CYP2C19: variants seen among roughly 807,000 people sequenced by gnomAD.
CYP2C19 encodes the protein cytochrome P450 2C19.
In CYP2C19, 59 loss-of-function variants were observed where a neutral mutation model predicts 40.9. That is an observed-to-expected ratio of 1.44 (90% confidence interval 1.17 to 1.79). The LOEUF (loss-of-function observed/expected upper bound fraction) is 1.79. CYP2C19 is among the 40% of genes most tolerant of loss of function. The probability of loss-of-function intolerance (pLI) is 0.00; values close to 1 mark genes in which losing one functional copy is unlikely to be tolerated. For synonymous variants in CYP2C19, 253 were observed against 208.7 expected, an observed-to-expected ratio of 1.21 and a Z score of -1.83; for missense variants, 754 against 596.9, an observed-to-expected ratio of 1.26 and a Z score of -2.74.
chr10:94,786,843 AT>A (rs1247602152), intron 5 of CYP2C19, among the ~76,000 whole-genome samples: 1 of 151,926 alleles, frequency 6.6e-6, no homozygotes, highest in African/African-American at 2.4e-5. Context: ...CAAAGACATG[AT>A]TTTTTTTATG....
chr10:94,820,569 G>T lies in CYP2C19; in HGVS notation c.893G>T (p.Gly298Val). The change falls in exon 6 of 9, where the codon GGG becomes GTG. Residue 298 changes from glycine to valine, a missense_variant. By Grantham distance (109) the Gly-to-Val change is moderately radical (BLOSUM62 -3). Coordinates refer to ENST00000371321, the MANE Select transcript of CYP2C19 (RefSeq NM_000769.4). ...ACTGCAGCTGACTTACTTGGAGCTG[G>T]GACAGAGACAACAAGCACAACCCTG... is the stretch of plus-strand genomic sequence containing the variant. ...VITAADLLGA[G>V]TETTSTTLRY... is the part of the protein sequence containing the mutation. The T allele has an allele frequency of 1.2e-6, 2 of 1,614,102 alleles. No homozygotes were observed. The highest frequency in any genetic ancestry group is 1.7e-6 in the Non-Finnish European group (2 of 1,180,010).
intron 1 of CYP2C19, among the ~76,000 whole-genome samples, chr10:94,771,400 A>C (rs765557890): frequency 5.9e-5 from 9 of 152,114 alleles, no homozygotes; most frequent in Non-Finnish European, 8.8e-5. Flanking sequence ...ATTCTTCTTC[A>C]ATGAAAAGAA....
At chr10:94,843,456 C>T (rs553061708) in intron 7 of CYP2C19, among the ~76,000 whole-genome samples, 2 of 152,174 alleles carry the variant, frequency 1.3e-5, no homozygotes, top group East Asian at 1.9e-4. Context: ...TTTATTTTCC[C>T]AGGAATGTTG....
At chr10:94,784,537 C>T (rs1212968369) in intron 5 of CYP2C19, among the ~76,000 whole-genome samples, 2 of 152,102 alleles carry the variant, frequency 1.3e-5, no homozygotes, top group Non-Finnish European at 2.9e-5. Context: ...TGTTTCTCCA[C>T]ATAGTTGCTA....
chr10:94,766,834 A>G (rs1848252013), intron 1 of CYP2C19, among the ~76,000 whole-genome samples: 1 of 152,014 alleles, frequency 6.6e-6, no homozygotes, highest in African/African-American at 2.4e-5. Flanking sequence ...CCAAGATTCC[A>G]TTCCTGAACC....
chr10:94,809,916 C>G (rs1589362604), intron 5 of CYP2C19, among the ~76,000 whole-genome samples: 1 of 152,108 alleles, frequency 6.6e-6, no homozygotes, highest in Admixed American at 6.6e-5. Flanking sequence ...GAGTCTTGCC[C>G]TGTCACCCAG....
chr10:94,798,613 T>C (rs1848721329), intron 5 of CYP2C19, among the ~76,000 whole-genome samples: 1 of 152,054 alleles, frequency 6.6e-6, no homozygotes, highest in African/African-American at 2.4e-5. Context: ...CCATTATTAT[T>C]GTGTGGGAGC....
rs774817817 is a variant in CYP2C19, at chr10:94,775,189, C to T, written c.300C>T (p.Phe100=). Residue 100 remains phenylalanine (F), a synonymous_variant, in exon 2 of 9, where the codon TTC becomes TTT. Coordinates refer to ENST00000371321, the MANE Select transcript of CYP2C19 (RefSeq NM_000769.4). ...LGEEFSGRGH[F]PLAERANRGF... is the part of the protein sequence containing the mutation. ...AGGAGTTTTCTGGAAGAGGCCATTT[C>T]CCACTGGCTGAAAGAGCTAACAGAG... 1 of 1,614,060 alleles carries T rather than the reference C, an allele frequency of 6.2e-7. No homozygotes were observed. The highest frequency in any genetic ancestry group is 1.1e-5 in the South Asian group (1 of 91,084).
intron 1 of CYP2C19, among the ~76,000 whole-genome samples, chr10:94,766,114 A>G (rs540926196): frequency 1.3e-5 from 2 of 152,224 alleles, no homozygotes; most frequent in East Asian, 3.9e-4. Flanking sequence ...TTCCGTCATA[A>G]TGAAGGTGGT....
At chr10:94,789,849 A>G (rs1201550500) in intron 5 of CYP2C19, among the ~76,000 whole-genome samples, 2 of 152,136 alleles carry the variant, frequency 1.3e-5, no homozygotes, top group African/African-American at 4.8e-5. Context: ...TTCCCTATGA[A>G]AATGAAAGTA....
At chr10:94,775,363 T>G in intron 2 of CYP2C19, 27 bp from the exon 3 acceptor site, 1 of 1,613,166 alleles carries the variant, frequency 6.2e-7, no homozygotes, top group South Asian at 1.1e-5. Flanking sequence ...GGGATCTCCC[T>G]CCTAGTTTCG....
intron 6 of CYP2C19, among the ~76,000 whole-genome samples, chr10:94,824,083 A>G (rs1196188854): frequency 6.6e-6 from 1 of 152,246 alleles, no homozygotes. Flanking sequence ...ACAGAAAATT[A>G]CAAATAGAAA....
intron 5 of CYP2C19, among the ~76,000 whole-genome samples, chr10:94,817,936 C>G (rs1258451419): frequency 1.3e-5 from 2 of 148,770 alleles, no homozygotes; most frequent in Non-Finnish European, 3.0e-5. Flanking sequence ...TGGCGTGAAC[C>G]CGGGAGGCGG....
intron 1 of CYP2C19, among the ~76,000 whole-genome samples, chr10:94,764,265 G>T (rs1848212020): frequency 6.6e-6 from 1 of 152,082 alleles, no homozygotes; most frequent in Admixed American, 6.5e-5. Flanking sequence ...CTGCTGATTG[G>T]CCCATTTTAC....
rs564402243 is a variant in CYP2C19 at position 94,806,043 on chromosome 10, A to T, written c.820-14453A>T. Reference sequence around the variant, plus strand: ...TAGAACCCCACCCCCACCTCAAATGATAACTGTACATTTCTCCTTTCCACC... The same window carrying T: ...TAGAACCCCACCCCCACCTCAAATGTTAACTGTACATTTCTCCTTTCCACC... On this transcript the variant is annotated intron_variant, in intron 5 of 8. Transcript: ENST00000371321. 6.0e-5 allele frequency among the ~76,000 whole-genome samples: 9 copies of T among 151,242 alleles called. No homozygotes were observed. In the South Asian group the frequency reaches 1.9e-3, roughly 32 times the overall value.
intron 5 of CYP2C19, among the ~76,000 whole-genome samples, chr10:94,801,166 T>G (rs982074061): frequency 5.3e-5 from 8 of 152,196 alleles, no homozygotes; most frequent in African/African-American, 1.9e-4. Context: ...AAATCTCTAG[T>G]TCTTTTAAAT....
chr10:94,805,440 T>C (rs985686520), intron 5 of CYP2C19, among the ~76,000 whole-genome samples: 1 of 152,202 alleles, frequency 6.6e-6, no homozygotes. Flanking sequence ...AAAAATGTTG[T>C]GGCAAAATAC....
intron 7 of CYP2C19, among the ~76,000 whole-genome samples, chr10:94,846,916 C>G (rs1849580679): frequency 1.3e-5 from 2 of 152,026 alleles, no homozygotes; most frequent in Non-Finnish European, 2.9e-5. Flanking sequence ...ATGGCAATGA[C>G]AAACATTCAA....
At chr10:94,805,343 G>C (rs557651670) in intron 5 of CYP2C19, among the ~76,000 whole-genome samples, 2 of 152,076 alleles carry the variant, frequency 1.3e-5, no homozygotes, top group African/African-American at 4.8e-5. Context: ...ATGGTGTAGT[G>C]CACTGGTTGA....
Sources: allele counts gnomAD v4.1 joint callset (sites outside exome capture counted in the v4.1 genomes callset), GRCh38; gene constraint gnomAD v4.1.1; transcripts MANE v1.5; gene names NCBI Gene and HGNC (gene_info 2026-07-23, HGNC 2026-07-21).